The following MAPK10 variants were observed in gnomAD, a reference collection of about 807,000 sequenced individuals.
MAPK10 encodes the protein mitogen-activated protein kinase 10, also known as JNK3 alpha protein kinase.
MAPK10 carries 25 observed loss-of-function variants against 59.3 expected under a neutral mutation model. The observed-to-expected ratio is 0.42, with a 90% CI of 0.31 to 0.59. The LOEUF is 0.59. Among genes scored for constraint, MAPK10 ranks in the 20% least tolerant of loss-of-function variants. The probability of loss-of-function intolerance (pLI) is 0.15; values close to 1 mark genes in which losing one functional copy is unlikely to be tolerated. For missense variants in MAPK10, 351 were observed against 568.9 expected (o/e 0.62, Z 3.90); for synonymous variants, 190 against 200.5 (o/e 0.95, Z 0.44).
intron 8 of MAPK10, chr4:86,099,010 C>G (rs2054784764): frequency 6.0e-6 from 1 of 165,910 alleles, no homozygotes; most frequent in Non-Finnish European, 1.3e-5. Flanking sequence ...ATTTTCTATT[C>G]TATTCAGTTA....
At chr4:86,550,400 A>AC (rs1759679118) in intron 1 of MAPK10, among the ~76,000 whole-genome samples, 1 of 116,468 alleles carries the variant, frequency 8.6e-6, no homozygotes, top group Non-Finnish European at 1.9e-5. Flanking sequence ...AAAAAAAAAA[A>AC]AAAAAAAAAA....
chr4:86,426,261 C>A (rs763667001), intron 1 of MAPK10, among the ~76,000 whole-genome samples: 2 of 152,060 alleles, frequency 1.3e-5, no homozygotes, highest in Non-Finnish European at 2.9e-5. Context: ...CTTTAAGATG[C>A]TTATGTTCGA....
At chr4:86,260,894 T>C (rs2093957151) in intron 2 of MAPK10, among the ~76,000 whole-genome samples, 1 of 152,188 alleles carries the variant, frequency 6.6e-6, no homozygotes, top group African/African-American at 2.4e-5. Flanking sequence ...CATTATATGC[T>C]GTGGATGCAA....
At chr4:86,046,470 A>AT (rs2148950973) in intron 11 of MAPK10, among the ~76,000 whole-genome samples, 1 of 150,900 alleles carries the variant, frequency 6.6e-6, no homozygotes, top group Non-Finnish European at 1.5e-5. Context: ...TTATTTTGAG[A>AT]TTTTGGGCTG....
intron 2 of MAPK10, among the ~76,000 whole-genome samples, chr4:86,353,735 A>C (rs188666407): frequency 1.6e-4 from 24 of 152,334 alleles, no homozygotes; most frequent in South Asian, 2.1e-4. Context: ...CCACTAGGCA[A>C]ATGAAAGAAA....
chr4:86,295,502 T>A (rs551949590), intron 2 of MAPK10, among the ~76,000 whole-genome samples: 84 of 152,136 alleles, frequency 5.5e-4, no homozygotes, highest in Non-Finnish European at 9.7e-4. Flanking sequence ...AAGGCAGGGG[T>A]TTTTGTTCTG....
intron 11 of MAPK10, among the ~76,000 whole-genome samples, chr4:86,046,878 G>A (rs1226645270): frequency 1.3e-5 from 2 of 151,960 alleles, no homozygotes; most frequent in Non-Finnish European, 2.9e-5. Flanking sequence ...ATACAGCAGT[G>A]CCCCAAAGAG....
At chr4:86,311,195 CA>C (rs970234563) in intron 2 of MAPK10, among the ~76,000 whole-genome samples, 44 of 151,920 alleles carry the variant, frequency 2.9e-4, no homozygotes, top group Admixed American at 9.2e-4. Context: ...TTAATATCAA[CA>C]AAAAATGACT....
At chr4:86,255,662 T>C (rs1344053327) in intron 2 of MAPK10, among the ~76,000 whole-genome samples, 1 of 152,146 alleles carries the variant, frequency 6.6e-6, no homozygotes, top group Non-Finnish European at 1.5e-5. Context: ...TTTTTTCAAT[T>C]GCTAAATTCT....
At chr4:86,075,111 C>G (rs1480621342) in intron 9 of MAPK10, among the ~76,000 whole-genome samples, 1 of 151,068 alleles carries the variant, frequency 6.6e-6, no homozygotes, top group Non-Finnish European at 1.5e-5. Flanking sequence ...TCTTTTTTCT[C>G]TAAACTTCCC....
intron 1 of MAPK10, among the ~76,000 whole-genome samples, chr4:86,586,904 A>C (rs1391491231): frequency 6.6e-6 from 1 of 152,238 alleles, no homozygotes; most frequent in Non-Finnish European, 1.5e-5. Context: ...TATTTCATAG[A>C]TCTAGCGAGT....
intron 1 of MAPK10, among the ~76,000 whole-genome samples, chr4:86,534,562 T>C (rs1163019790): frequency 6.6e-6 from 1 of 152,070 alleles, no homozygotes; most frequent in Non-Finnish European, 1.5e-5. Flanking sequence ...GAGTGAGTGG[T>C]ATATGGAAAC....
At chr4:86,171,742 T>A (rs1392061080) in intron 3 of MAPK10, among the ~76,000 whole-genome samples, 2 of 151,556 alleles carry the variant, frequency 1.3e-5, no homozygotes, top group Non-Finnish European at 2.9e-5. Flanking sequence ...CTAATTAAAC[T>A]AAAGAGCTTC....
chr4:86,525,845 A>G (rs1564988121), intron 1 of MAPK10, among the ~76,000 whole-genome samples: 1 of 152,240 alleles, frequency 6.6e-6, no homozygotes, highest in Admixed American at 6.5e-5. Context: ...AAAATTACAA[A>G]GCAAAAATCT....
intron 9 of MAPK10, chr4:86,082,038 A>G (rs773936982): frequency 3.3e-5 from 5 of 152,184 alleles, no homozygotes; most frequent in African/African-American, 2.4e-5. Flanking sequence ...TATAATGTTA[A>G]TTTTTTAAAA....
chr4:86,212,088 C>T (rs1264028435), intron 2 of MAPK10, among the ~76,000 whole-genome samples: 1 of 151,922 alleles, frequency 6.6e-6, no homozygotes, highest in Non-Finnish European at 1.5e-5. Flanking sequence ...TCAGAGGTTC[C>T]TCCTTGGTAA....
At chr4:86,530,431 A>G (rs888551570) in intron 1 of MAPK10, among the ~76,000 whole-genome samples, 3 of 152,206 alleles carry the variant, frequency 2.0e-5, no homozygotes, top group African/African-American at 7.2e-5. Flanking sequence ...CATGTCACCA[A>G]TATGTACCAC....
chr4:86,081,706 GC>G (rs1291312826), intron 9 of MAPK10: 2 of 152,074 alleles, frequency 1.3e-5, no homozygotes, highest in South Asian at 4.1e-4. Context: ...TATGACAATG[GC>G]AAAAGTTGAT....
At chr4:86,311,453 T>C (rs1160268976) in intron 2 of MAPK10, among the ~76,000 whole-genome samples, 1 of 152,114 alleles carries the variant, frequency 6.6e-6, no homozygotes, top group Non-Finnish European at 1.5e-5. Flanking sequence ...CCTTCAACAC[T>C]GTCACAATGA....
Sources: gnomAD v4.1 joint callset for allele counts (sites outside exome capture counted in the v4.1 genomes callset) on GRCh38, gnomAD v4.1.1 for gene constraint, MANE v1.5 for transcripts, NCBI Gene and HGNC (gene_info 2026-07-23, HGNC 2026-07-21) for gene names.